The following ATP8A1 variants were observed in gnomAD, a reference collection of about 807,000 sequenced individuals.
ATP8A1 encodes phospholipid-transporting ATPase IA.
A neutral mutation model predicts 177.7 loss-of-function variants in ATP8A1; 90 were observed. The ratio of observed to expected loss-of-function variants is 0.51; its 90% CI spans 0.43 to 0.60. The LOEUF is 0.60. Among genes scored for constraint, ATP8A1 ranks in the 20% least tolerant of loss-of-function variants. The probability of loss-of-function intolerance (pLI) is 0.00; values close to 1 mark genes in which losing one functional copy is unlikely to be tolerated. For synonymous variants in ATP8A1, 493 were observed against 485.9 expected, an observed-to-expected ratio of 1.01 and a Z score of -0.19; for missense variants, 1,072 against 1,392.8, an observed-to-expected ratio of 0.77 and a Z score of 3.67.
At chr4:42,526,507 C>T (rs920035625) in intron 20 of ATP8A1, among the ~76,000 whole-genome samples, 9 of 152,106 alleles carry the variant, frequency 5.9e-5, no homozygotes, top group South Asian at 4.2e-4. Flanking sequence ...CAGCTGCCTG[C>T]GAATATAAAG....
intron 27 of ATP8A1, among the ~76,000 whole-genome samples, chr4:42,456,972 T>C (rs565272124): frequency 9.8e-5 from 15 of 152,322 alleles, no homozygotes; most frequent in African/African-American, 2.4e-4. Context: ...AAAGGAATGA[T>C]TGAGCATGTA....
At chr4:42,644,156 G>A (rs748895270) in intron 1 of ATP8A1, among the ~76,000 whole-genome samples, 15 of 152,182 alleles carry the variant, frequency 9.9e-5, no homozygotes, top group Admixed American at 2.6e-4. Context: ...AGTTCAGACT[G>A]AAGGCCTTCG....
intron 1 of ATP8A1, 48 bp downstream of exon 1, chr4:42,656,765 GCTCACACACACA>G (rs1577802661): frequency 6.8e-7 from 1 of 1,464,264 alleles, no homozygotes; most frequent in South Asian, 1.3e-5. Flanking sequence ...AAACACACAC[GCTCACACACACA>G]CTCGCTTCCC....
intron 18 of ATP8A1, among the ~76,000 whole-genome samples, chr4:42,549,749 T>C (rs1281729676): frequency 6.6e-6 from 1 of 151,946 alleles, no homozygotes; most frequent in Non-Finnish European, 1.5e-5. Context: ...TGGTTAGCTA[T>C]GACTGCACCA....
chr4:42,452,271 A>C (rs960837243), intron 29 of ATP8A1, among the ~76,000 whole-genome samples: 6 of 152,154 alleles, frequency 3.9e-5, no homozygotes, highest in African/African-American at 1.4e-4. Flanking sequence ...TTTCAGCTTC[A>C]CTTGAATTTT....
intron 20 of ATP8A1, among the ~76,000 whole-genome samples, chr4:42,532,034 C>T (rs1727313019): frequency 1.3e-5 from 2 of 151,946 alleles, no homozygotes; most frequent in Non-Finnish European, 2.9e-5. Context: ...CACAGGAAGT[C>T]AAGGCTGCAG....
Position 42,409,533 on chromosome 4 carries a change from G to C in ATP8A1, c.*3383C>G, listed in dbSNP as rs1425886077. On this transcript the variant is annotated 3_prime_UTR_variant, in exon 37 of 37. Coordinates refer to ENST00000381668, the MANE Select transcript of ATP8A1 (RefSeq NM_006095.2). Reference sequence around the variant, plus strand: ...TTCCTGGTCCATGTGATGTGAATGGGCTGGGCACTTTCTCCATAAATTTTG... The same window carrying C: ...TTCCTGGTCCATGTGATGTGAATGGCCTGGGCACTTTCTCCATAAATTTTG... The C allele has an allele frequency of 6.6e-6, 1 of 152,102 alleles. No homozygotes were observed. The highest frequency in any genetic ancestry group is 6.6e-5 in the Admixed American group (1 of 15,266). The allele number at this position is 152,102 out of a possible 1,614,324, so 9.4% of individuals were successfully genotyped here. A position where few individuals can be genotyped will look rare whatever the true frequency, so the allele number is the denominator to read the frequency against.
At chr4:42,643,493 C>CT (rs1042636736) in intron 1 of ATP8A1, among the ~76,000 whole-genome samples, 3 of 152,108 alleles carry the variant, frequency 2.0e-5, no homozygotes, top group Non-Finnish European at 4.4e-5. Context: ...TTTTTGACTC[C>CT]TTTTTTTAAA....
intron 23 of ATP8A1, 86 bp downstream of exon 23, chr4:42,506,930 A>C: frequency 7.0e-7 from 1 of 1,435,614 alleles, no homozygotes; most frequent in Non-Finnish European, 9.6e-7. Context: ...AATCTTTTAG[A>C]TCTTGAAATG....
At position 42,464,953 on chromosome 4, in the gene ATP8A1, A is replaced by G. The variant is rs541467744; in HGVS notation, c.2448T>C (p.Val816=). The G allele has an allele frequency of 5.6e-6, 9 of 1,614,212 alleles. No homozygotes were observed. Among genetic ancestry groups the G allele is most frequent in the Non-Finnish European group, 7.6e-6 (9 of 1,180,034 alleles). The stretch of plus-strand genomic sequence containing the variant: ...GCAGGCCTTCATTGCCACTGATACC[A>G]ACACCAACGTGCGCTGTCTGTATCA... ...VSMIQTAHVG[V]GISGNEGLQA... The change falls in exon 26 of 37, where the codon GTT becomes GTC. Residue 816 remains valine, a synonymous_variant. Coordinates refer to ENST00000381668, the MANE Select transcript of ATP8A1 (RefSeq NM_006095.2).
At chr4:42,419,311 G>A (rs907115338) in intron 35 of ATP8A1, among the ~76,000 whole-genome samples, 1 of 152,108 alleles carries the variant, frequency 6.6e-6, no homozygotes, top group Non-Finnish European at 1.5e-5. Context: ...GTGTTGCATT[G>A]CAGCTATGAC....
chr4:42,552,917 C>T (rs1376432066), intron 16 of ATP8A1, among the ~76,000 whole-genome samples: 1 of 152,038 alleles, frequency 6.6e-6, no homozygotes, highest in African/African-American at 2.4e-5. Flanking sequence ...AGGCGGGAGG[C>T]GGAGGTTGCA....
At chr4:42,494,078 G>A (rs533019195) in intron 24 of ATP8A1, among the ~76,000 whole-genome samples, 2 of 134,478 alleles carry the variant, frequency 1.5e-5, no homozygotes, top group South Asian at 5.0e-4. Context: ...GCACATGTCT[G>A]TAATCCCAGC....
chr4:42,498,147 G>C (rs1456819777), intron 24 of ATP8A1, among the ~76,000 whole-genome samples: 2 of 152,104 alleles, frequency 1.3e-5, no homozygotes, highest in African/African-American at 4.8e-5. Flanking sequence ...GAGACTCATG[G>C]GACATATCAA....
chr4:42,582,932 AT>A (rs2109348125), intron 9 of ATP8A1, among the ~76,000 whole-genome samples: 1 of 152,342 alleles, frequency 6.6e-6, no homozygotes, highest in South Asian at 2.1e-4. Flanking sequence ...TTAATGGGTC[AT>A]GGATTACTAC....
At chr4:42,557,258 T>C (rs13147384) in intron 15 of ATP8A1, among the ~76,000 whole-genome samples, 45,599 of 152,008 alleles carry the variant, frequency 0.3, 7,491 homozygotes, top group Non-Finnish European at 0.37. Flanking sequence ...TCATCATCAT[T>C]ATCATTATTT....
At chr4:42,553,444 T>C (rs1327521351) in intron 16 of ATP8A1, among the ~76,000 whole-genome samples, 1 of 152,220 alleles carries the variant, frequency 6.6e-6, no homozygotes, top group Non-Finnish European at 1.5e-5. Context: ...ACAACTCCTA[T>C]GTCCAGGGGA....
At chr4:42,490,686 G>T (rs1722661189) in intron 24 of ATP8A1, among the ~76,000 whole-genome samples, 1 of 151,904 alleles carries the variant, frequency 6.6e-6, no homozygotes, top group Non-Finnish European at 1.5e-5. Context: ...TCTCCCCATT[G>T]GCACTATTTC....
At chr4:42,423,826 A>T in intron 33 of ATP8A1, 121 bp from the exon 34 acceptor site, 1 of 565,180 alleles carries the variant, frequency 1.8e-6, no homozygotes, top group Non-Finnish European at 3.1e-6. Context: ...AGAGTATACA[A>T]CTCTGAATTC....
Sources: gnomAD v4.1 joint callset for allele counts (sites outside exome capture counted in the v4.1 genomes callset) on GRCh38, gnomAD v4.1.1 for gene constraint, MANE v1.5 for transcripts, NCBI Gene and HGNC (gene_info 2026-07-23, HGNC 2026-07-21) for gene names.